Variants in ENOX1 observed in about 807,000 individuals in gnomAD.
ENOX1 encodes the protein candidate growth-related and time keeping constitutive hydroquinone (NADH) oxidase.
Under a neutral mutation model 82.5 loss-of-function variants are expected in ENOX1, and 42 were observed. The ratio of observed to expected loss-of-function variants is 0.51; its 90% CI spans 0.40 to 0.66. The LOEUF is 0.66. Among genes scored for constraint, ENOX1 ranks in the 30% least tolerant of loss-of-function variants. ENOX1 has a pLI of 0.00. For synonymous variants in ENOX1, 271 were observed against 282.2 expected, an observed-to-expected ratio of 0.96 and a Z score of 0.40; for missense variants, 608 against 811.6, an observed-to-expected ratio of 0.75 and a Z score of 3.05.
chr13:43,654,881 C>T (rs961137655), intron 2 of ENOX1, among the ~76,000 whole-genome samples: 1 of 152,282 alleles, frequency 6.6e-6, no homozygotes, highest in Non-Finnish European at 1.5e-5. Flanking sequence ...AGACTGTTTA[C>T]CCCAATGAAG....
At chr13:43,719,926 G>T (rs868369218) in intron 1 of ENOX1, among the ~76,000 whole-genome samples, 1 of 152,188 alleles carries the variant, frequency 6.6e-6, no homozygotes, top group Middle Eastern at 3.4e-3. Flanking sequence ...TTGTAAATCT[G>T]CTGGAATTCT....
At chr13:43,549,755 T>C (rs2079112315) in intron 2 of ENOX1, among the ~76,000 whole-genome samples, 1 of 152,160 alleles carries the variant, frequency 6.6e-6, no homozygotes, top group Non-Finnish European at 1.5e-5. Flanking sequence ...CCAATGAAAA[T>C]GAGGTAGATC....
chr13:43,558,923 C>T (rs1781925556), intron 2 of ENOX1, among the ~76,000 whole-genome samples: 1 of 152,212 alleles, frequency 6.6e-6, no homozygotes, highest in African/African-American at 2.4e-5. Flanking sequence ...TGCCACACTT[C>T]ATCCTGTTAA....
chr13:43,304,683 T>A, intron 11 of ENOX1, among the ~76,000 whole-genome samples: 1 of 152,294 alleles, frequency 6.6e-6, no homozygotes, highest in East Asian at 1.9e-4. Flanking sequence ...TTAAACTCAC[T>A]CTTCAGGAAA....
intron 2 of ENOX1, among the ~76,000 whole-genome samples, chr13:43,568,075 C>CA (rs1449423617): frequency 6.6e-6 from 1 of 152,060 alleles, no homozygotes; most frequent in East Asian, 1.9e-4. Context: ...AAGCATAATG[C>CA]AAAAAATCCC....
chr13:43,656,981 T>C (rs887784044), intron 2 of ENOX1, among the ~76,000 whole-genome samples: 1 of 152,254 alleles, frequency 6.6e-6, no homozygotes, highest in African/African-American at 2.4e-5. Context: ...AAGCTTGCTA[T>C]CTTCAGATTT....
At chr13:43,587,226 T>C (rs995562118) in intron 2 of ENOX1, among the ~76,000 whole-genome samples, 1 of 152,240 alleles carries the variant, frequency 6.6e-6, no homozygotes, top group African/African-American at 2.4e-5. Flanking sequence ...CACGCAAAAC[T>C]ACTTCTATGC....
At chr13:43,327,587 G>A (rs1198244775) in intron 9 of ENOX1, among the ~76,000 whole-genome samples, 1 of 152,130 alleles carries the variant, frequency 6.6e-6, no homozygotes, top group African/African-American at 2.4e-5. Flanking sequence ...TTTTAGTTAA[G>A]AAGGCTCAGT....
intron 2 of ENOX1, among the ~76,000 whole-genome samples, chr13:43,589,772 C>A (rs1318370212): frequency 3.3e-5 from 5 of 152,002 alleles, no homozygotes; most frequent in African/African-American, 1.2e-4. Flanking sequence ...GTCCCCAGTG[C>A]ACTGGGATCA....
chr13:43,226,252 T>C (rs183944521), intron 15 of ENOX1, among the ~76,000 whole-genome samples: 32 of 152,320 alleles, frequency 2.1e-4, no homozygotes, highest in Middle Eastern at 3.4e-3. Flanking sequence ...TAAAAATGAT[T>C]ATTTTCATTT....
rs1290490230 is a variant in ENOX1 at position 43,326,578 on chromosome 13, A to G, written c.1037-53T>C. 3.5e-6 allele frequency: 5 copies of G among 1,441,068 alleles called. No individual in the cohort carries two copies. The African/African-American group carries it at 7.0e-5, about 20-fold the overall frequency. 89.3% of individuals were successfully genotyped at this position (1,441,068 alleles called of 1,614,324 possible). A position where few individuals can be genotyped will look rare whatever the true frequency, so the allele number is the denominator to read the frequency against. On this transcript the variant is annotated intron_variant, in intron 9 of 16. Coordinates refer to ENST00000690772, the MANE Select transcript of ENOX1 (RefSeq NM_001347969.2). ...ACAAGTAATTTATGTTGTGATCACT[A>G]TAGGGAAGCAAAGCAAAGACACTAG...
intron 16 of ENOX1, among the ~76,000 whole-genome samples, chr13:43,215,939 G>A (rs1303995249): frequency 3.9e-5 from 6 of 152,224 alleles, no homozygotes; most frequent in African/African-American, 1.4e-4. Flanking sequence ...GCTCATGCCT[G>A]TAATCCCAGC....
chr13:43,703,519 C>T (rs748336240), intron 1 of ENOX1, among the ~76,000 whole-genome samples: 3 of 152,166 alleles, frequency 2.0e-5, no homozygotes, highest in Non-Finnish European at 2.9e-5. Context: ...ATGTTATACG[C>T]TTATCTTCCT....
chr13:43,497,182 T>A (rs571776564), intron 2 of ENOX1, among the ~76,000 whole-genome samples: 1 of 152,160 alleles, frequency 6.6e-6, no homozygotes, highest in African/African-American at 2.4e-5. Flanking sequence ...GGATTTTCTA[T>A]ACAATTTTTT....
At chr13:43,586,077 C>T (rs2080967034) in intron 2 of ENOX1, among the ~76,000 whole-genome samples, 1 of 152,088 alleles carries the variant, frequency 6.6e-6, no homozygotes. Flanking sequence ...ATGTTCCATC[C>T]ATCTTTCCTT....
chr13:43,723,316 A>T (rs2088701101), intron 1 of ENOX1, among the ~76,000 whole-genome samples: 3 of 152,178 alleles, frequency 2.0e-5, no homozygotes, highest in African/African-American at 7.2e-5. Context: ...TCACTTCCCC[A>T]CCACTTAAGC....
chr13:43,681,686 A>AAC (rs3044219), intron 1 of ENOX1, among the ~76,000 whole-genome samples: 30,234 of 135,056 alleles, frequency 0.22, 3,314 homozygotes, highest in Non-Finnish European at 0.27. Flanking sequence ...ATAATGCATA[A>AAC]ACACACACAC....
chr13:43,677,084 T>C (rs1285922237), intron 1 of ENOX1, among the ~76,000 whole-genome samples: 1 of 151,906 alleles, frequency 6.6e-6, no homozygotes, highest in Non-Finnish European at 1.5e-5. Context: ...CAGAACCCTT[T>C]TTACTTCTGG....
At chr13:43,401,243 T>C (rs1329514045) in intron 5 of ENOX1, among the ~76,000 whole-genome samples, 4 of 152,212 alleles carry the variant, frequency 2.6e-5, no homozygotes, top group Non-Finnish European at 4.4e-5. Flanking sequence ...TGTAAACTTC[T>C]GCTTCCAGCC....
Sources: gnomAD v4.1 joint callset for allele counts (sites outside exome capture counted in the v4.1 genomes callset) on GRCh38, gnomAD v4.1.1 for gene constraint, MANE v1.5 for transcripts, NCBI Gene and HGNC (gene_info 2026-07-23, HGNC 2026-07-21) for gene names.